MICAL3: variants seen among roughly 807,000 people sequenced by gnomAD.
MICAL3 encodes [F-actin]-monooxygenase MICAL3.
Under a neutral mutation model 207.4 loss-of-function variants are expected in MICAL3, and 62 were observed. The ratio of observed to expected loss-of-function variants is 0.30; its 90% CI spans 0.24 to 0.37. MICAL3 has a LOEUF of 0.37. MICAL3 is among the 10% of genes least tolerant of loss of function. The pLI, the probability that MICAL3 is intolerant of heterozygous loss-of-function variation, is 1.00. For synonymous variants in MICAL3, 1,077 were observed against 1,069.3 expected, an observed-to-expected ratio of 1.01 and a Z score of -0.14; for missense variants, 2,368 against 2,635.6, an observed-to-expected ratio of 0.90 and a Z score of 2.22.
intron 1 of MICAL3, among the ~76,000 whole-genome samples, chr22:18,014,479 T>C (rs540892258): frequency 1.3e-5 from 2 of 152,150 alleles, no homozygotes; most frequent in South Asian, 2.1e-4. Context: ...TCCCCTTCCC[T>C]GTTTCCCACT....
intron 19 of MICAL3, chr22:17,864,025 T>C (rs2146137211): frequency 1.0e-6 from 1 of 985,898 alleles, no homozygotes; most frequent in Non-Finnish European, 1.2e-6. Context: ...CCTGGAGCTG[T>C]ATGTGGGACA....
chr22:17,807,690 T>G (rs1319514670), intron 29 of MICAL3, among the ~76,000 whole-genome samples: 8 of 152,086 alleles, frequency 5.3e-5, no homozygotes, highest in Non-Finnish European at 8.8e-5. Flanking sequence ...CCACACAAAC[T>G]TCAGTCCTAC....
At chr22:17,792,421 G>T (rs76020454) in intron 29 of MICAL3, among the ~76,000 whole-genome samples, 2,720 of 152,316 alleles carry the variant, frequency 0.018, 30 homozygotes, top group African/African-American at 0.022. Flanking sequence ...ACTAGACGGG[G>T]ACATCTTTCA....
At chr22:17,910,279 C>T (rs1159870223) in intron 1 of MICAL3, among the ~76,000 whole-genome samples, 2 of 152,154 alleles carry the variant, frequency 1.3e-5, no homozygotes, top group Non-Finnish European at 2.9e-5. Context: ...AGAGTTCTTA[C>T]GTGTGAGCTA....
chr22:18,024,401 A>G lies in MICAL3; in HGVS notation c.-195T>C, dbSNP rs549636410. 6.6e-6 allele frequency: 1 copy of G among 152,288 alleles called. No individual in the cohort carries two copies. The highest frequency in any genetic ancestry group is 1.5e-5 in the Non-Finnish European group (1 of 68,050). The allele number at this position is 152,288 out of a possible 1,614,324, so 9.4% of individuals were successfully genotyped here. A position where few individuals can be genotyped will look rare whatever the true frequency, so the allele number is the denominator to read the frequency against. On this transcript the variant is annotated 5_prime_UTR_variant, in exon 1 of 32. Coordinates refer to ENST00000441493, the MANE Select transcript of MICAL3 (RefSeq NM_015241.3). ...TGCTCGCACAACCCCTGCAGCTGCG[A>G]TCCCGCCCAGTTAGCCTCGGGGGCT... is the stretch of plus-strand genomic sequence containing the variant.
intron 1 of MICAL3, among the ~76,000 whole-genome samples, chr22:17,999,217 C>T (rs5747441): frequency 4.6e-5 from 7 of 152,206 alleles, no homozygotes; most frequent in Non-Finnish European, 1.0e-4. Flanking sequence ...CCCCTTTGAC[C>T]CTCTGCTCTT....
At chr22:17,835,641 C>T (rs1923282530) in intron 20 of MICAL3, among the ~76,000 whole-genome samples, 1 of 152,238 alleles carries the variant, frequency 6.6e-6, no homozygotes, top group African/African-American at 2.4e-5. Context: ...GAAACAGATG[C>T]AACACAGACA....
chr22:17,823,240 G>A (rs113194902), intron 22 of MICAL3, among the ~76,000 whole-genome samples, 180 bp from the exon 23 acceptor site: 107 of 152,294 alleles, frequency 7.0e-4, no homozygotes, highest in African/African-American at 2.3e-3. Flanking sequence ...GGGGGGGCCC[G>A]GGGCCCCCAA....
chr22:17,904,704 T>C lies in MICAL3; in HGVS notation c.400A>G (p.Ile134Val). 1 of 1,614,114 alleles carries C rather than the reference T, an allele frequency of 6.2e-7. No homozygotes were observed. The highest frequency in any genetic ancestry group is 8.5e-7 in the Non-Finnish European group (1 of 1,179,962). The change falls in exon 3 of 32, where the codon ATA (isoleucine) becomes GTA (valine). Residue 134 changes from isoleucine (I) to valine (V), a missense_variant. By Grantham distance (29) the Ile-to-Val change is conservative. This residue lies in a region of MICAL3 where 400 missense variants were observed against 547.0 expected (regional missense o/e 0.73). Coordinates refer to ENST00000441493, the MANE Select transcript of MICAL3 (RefSeq NM_015241.3). ...NNVLHLWPFT[I>V]HDLRGLGAKK... ...GCACCCAGACCTCGTAGATCATGTATGGTGAATGGCCAGAGATGCAAGACG... is the reference window on the plus strand; with the variant it reads ...GCACCCAGACCTCGTAGATCATGTACGGTGAATGGCCAGAGATGCAAGACG...
intron 27 of MICAL3, chr22:17,814,270 G>A (rs1311971763): frequency 6.6e-6 from 1 of 152,190 alleles, no homozygotes; most frequent in Non-Finnish European, 1.5e-5. Flanking sequence ...TCTCACCTGT[G>A]TCTGCCAAAG....
At chr22:17,839,125 T>A (rs905182716) in intron 20 of MICAL3, among the ~76,000 whole-genome samples, 1 of 151,102 alleles carries the variant, frequency 6.6e-6, no homozygotes, top group Non-Finnish European at 1.5e-5. Context: ...ATAATTTTCA[T>A]ATTTTTTGTA....
intron 1 of MICAL3, among the ~76,000 whole-genome samples, chr22:17,979,548 A>C (rs1372139704): frequency 6.6e-6 from 1 of 152,136 alleles, no homozygotes; most frequent in Non-Finnish European, 1.5e-5. Flanking sequence ...CCATCTCAAA[A>C]ACAGTATGTA....
At chr22:18,021,457 GTAAGTAC>G (rs1924472006) in intron 1 of MICAL3, among the ~76,000 whole-genome samples, 1 of 152,264 alleles carries the variant, frequency 6.6e-6, no homozygotes. Context: ...GCTCAGCCAG[GTAAGTAC>G]TAGGGAAACC....
intron 1 of MICAL3, among the ~76,000 whole-genome samples, chr22:18,001,807 A>G (rs1055517457): frequency 6.6e-6 from 1 of 152,216 alleles, no homozygotes; most frequent in Non-Finnish European, 1.5e-5. Context: ...TTGGTTGGGA[A>G]TCTTGGAAGG....
rs1931427158 is a variant in MICAL3, at chr22:17,902,784, T to C, written c.473-37A>G. On this transcript the variant is annotated intron_variant, in intron 3 of 31. Transcript: ENST00000441493. The surrounding 1 kb of genome is among the most constrained non-coding windows in gnomAD (Gnocchi z 4.5). ...CAGAGATGACGTTGATGGGAACACA[T>C]GGAGAAGGGGGTACCCATCCGTGTC... 7.7e-7 allele frequency: 1 copy of C among 1,299,754 alleles called. No homozygotes were observed. The highest frequency in any genetic ancestry group is 1.1e-6 in the Non-Finnish European group (1 of 915,166). The allele number at this position is 1,299,754 out of a possible 1,614,324, so 80.5% of individuals were successfully genotyped here. A position where few individuals can be genotyped will look rare whatever the true frequency, so the allele number is the denominator to read the frequency against.
At chr22:17,940,560 G>A (rs1199807425) in intron 1 of MICAL3, among the ~76,000 whole-genome samples, 2 of 152,146 alleles carry the variant, frequency 1.3e-5, no homozygotes, top group Non-Finnish European at 2.9e-5. Context: ...ATAGTCTAGT[G>A]GCAGAATACA....
At chr22:17,882,116 T>A (rs1225837058) in intron 16 of MICAL3, among the ~76,000 whole-genome samples, 1 of 152,150 alleles carries the variant, frequency 6.6e-6, no homozygotes, top group East Asian at 1.9e-4. Flanking sequence ...AGAGCTCCCA[T>A]GACAATCTAC....
chr22:17,855,821 T>C (rs1025245716), intron 19 of MICAL3, among the ~76,000 whole-genome samples: 1 of 152,186 alleles, frequency 6.6e-6, no homozygotes, highest in African/African-American at 2.4e-5. Flanking sequence ...AATAATGAAA[T>C]GGAAACTCAC....
At chr22:17,971,286 G>T (rs1440115816) in intron 1 of MICAL3, among the ~76,000 whole-genome samples, 1 of 152,158 alleles carries the variant, frequency 6.6e-6, no homozygotes. Context: ...TGGCCAACAT[G>T]GTGAAACCCC....
Sources: gnomAD v4.1 joint callset for allele counts (sites outside exome capture counted in the v4.1 genomes callset) on GRCh38, gnomAD v4.1.1 for gene constraint, gnomAD v4.1.1 regional missense constraint, Gnocchi (gnomAD v3.1) non-coding constraint, MANE v1.5 for transcripts, NCBI Gene and HGNC (gene_info 2026-07-23, HGNC 2026-07-21) for gene names.